The following UGT1A6 variants were observed in gnomAD, a reference collection of about 807,000 sequenced individuals.
UGT1A6 encodes the protein UDP-glucuronosyltransferase 1A6.
Under a neutral mutation model 44.4 loss-of-function variants are expected in UGT1A6, and 32 were observed. The observed-to-expected ratio is 0.72, with a 90% CI of 0.54 to 0.97. The LOEUF is 0.97. Ranked by LOEUF, UGT1A6 falls within the 50% of genes least tolerant of loss-of-function variation. UGT1A6 has a pLI of 0.00. For missense variants in UGT1A6, 685 were observed against 661.9 expected, an observed-to-expected ratio of 1.03 and a Z score of -0.38; for synonymous variants, 238 against 248.5, an observed-to-expected ratio of 0.96 and a Z score of 0.40.
intron 1 of UGT1A6, among the ~76,000 whole-genome samples, chr2:233,701,507 A>G (rs1166715177): frequency 2.0e-5 from 3 of 152,208 alleles, no homozygotes; most frequent in Non-Finnish European, 4.4e-5. Context: ...ATAGACATCT[A>G]CAGAACTCTC....
chr2:233,697,897 T>A (rs1318608341), intron 1 of UGT1A6, among the ~76,000 whole-genome samples: 2 of 152,250 alleles, frequency 1.3e-5, no homozygotes, highest in East Asian at 3.8e-4. Context: ...TTGAATCAAA[T>A]CTATTGACTC....
Position 233,693,016 on chromosome 2 carries a change from C to CCTTCG in UGT1A6, c.15_19dup (p.Ser7PhefsTer14), listed in dbSNP as rs767644326. The CCTTCG allele has an allele frequency of 1.4e-5, 23 of 1,613,998 alleles. No homozygotes were observed. The highest frequency in any genetic ancestry group is 1.8e-5 in the Non-Finnish European group (21 of 1,180,028). ...TAACTCTTTCCAGGATGGCCTGCCTCCTTCGCTCATTTCAGAGAATTTCTG... is the reference window on the plus strand; with the variant it reads ...TAACTCTTTCCAGGATGGCCTGCCTCCTTCGCTTCGCTCATTTCAGAGAATTTCTG... On this transcript the variant is annotated frameshift_variant, in exon 1 of 5. Transcript: ENST00000305139. LOFTEE classifies it high-confidence loss of function.
intron 1 of UGT1A6, among the ~76,000 whole-genome samples, chr2:233,700,907 G>T (rs985233948): frequency 6.6e-6 from 1 of 151,214 alleles, no homozygotes; most frequent in South Asian, 2.1e-4. Flanking sequence ...GGTGTGTGAC[G>T]TTCCTCTTCC....
intron 1 of UGT1A6, among the ~76,000 whole-genome samples, chr2:233,724,201 G>A: frequency 7.6e-6 from 1 of 131,764 alleles, no homozygotes; most frequent in South Asian, 2.7e-4. Flanking sequence ...TGGCTGGCCG[G>A]GCTGAGGGGC....
intron 1 of UGT1A6, among the ~76,000 whole-genome samples, chr2:233,757,380 C>T (rs980413878): frequency 1.3e-5 from 2 of 151,206 alleles, no homozygotes; most frequent in African/African-American, 4.9e-5. Context: ...CCAGATTCAG[C>T]ACTTACTTGC....
Position 233,693,132 on chromosome 2 carries a change from A to T in UGT1A6, c.128A>T (p.Lys43Met). 6.2e-7 allele frequency: 1 copy of T among 1,614,182 alleles called. No homozygotes were observed. Among genetic ancestry groups the T allele is most frequent in the Non-Finnish European group, 8.5e-7 (1 of 1,180,040 alleles). Reference protein sequence around the residue: ...PQDGSHWLSMKDIVEVLSDRG... With the variant: ...PQDGSHWLSMMDIVEVLSDRG... ...GACGGAAGCCACTGGCTTAGTATGA[A>T]GGATATAGTTGAGGTTCTCAGTGAC... Residue 43 changes from lysine to methionine, a missense_variant, in exon 1 of 5, where the codon AAG becomes ATG. Physicochemically the swap from Lys to Met is moderately conservative, Grantham distance 95 (BLOSUM62 -1). Coordinates refer to ENST00000305139, the MANE Select transcript of UGT1A6 (RefSeq NM_001072.4).
chr2:233,713,049 C>T (rs373053318), intron 1 of UGT1A6: 18 of 1,614,092 alleles, frequency 1.1e-5, no homozygotes, highest in Middle Eastern at 3.4e-4. Flanking sequence ...GCTGCTTCTC[C>T]TCAGTGTCCA....
In UGT1A6 at chr2:233,768,276, A is replaced by T. The variant is rs771550944; in HGVS notation, c.1138A>T (p.Ser380Cys). The T allele has an allele frequency of 3.1e-6, 5 of 1,614,024 alleles. No homozygotes were observed. In the African/African-American group the frequency reaches 6.7e-5, roughly 22 times the overall value. Residue 380 changes from serine (S) to cysteine (C), a missense_variant, in exon 4 of 5, where the codon AGC becomes TGC. Coordinates refer to ENST00000305139, the MANE Select transcript of UGT1A6 (RefSeq NM_001072.4). ...TGCTGGTTCCCATGGTGTTTATGAA[A>T]GCATATGCAATGGCGTTCCCATGGT... ...THAGSHGVYE[S>C]ICNGVPMVMM... is the part of the protein sequence containing the mutation.
intron 1 of UGT1A6, chr2:233,752,460 T>C (rs1356858435): frequency 1.3e-5 from 2 of 152,236 alleles, no homozygotes; most frequent in African/African-American, 4.8e-5. Flanking sequence ...TACCCACATA[T>C]AGGCCTCTAG....
At chr2:233,760,645 T>A (rs751311281) in intron 1 of UGT1A6, 1 of 1,614,248 alleles carries the variant, frequency 6.2e-7, no homozygotes, top group South Asian at 1.1e-5. Flanking sequence ...AAAAAAGGAC[T>A]CTGCTATGCT....
At position 233,693,459 on chromosome 2, in the gene UGT1A6, C is replaced by A. The variant is rs201855477; in HGVS notation, c.455C>A (p.Ala152Asp). 3 of 1,614,104 alleles carry A rather than the reference C, an allele frequency of 1.9e-6. No homozygotes were observed. Among genetic ancestry groups the A allele is most frequent in the Middle Eastern group, 1.6e-4 (1 of 6,062 alleles). ...TTTGATGCTCTTTTCACAGACCCAG[C>A]CTTACCCTGTGGGGTGATCCTGGCT... ...SKFDALFTDP[A>D]LPCGVILAEY... The change falls in exon 1 of 5, where the codon GCC becomes GAC. Residue 152 changes from alanine (A) to aspartate (D), a missense_variant. Transcript: ENST00000305139.
At chr2:233,752,118 G>A (rs1227638081) in intron 1 of UGT1A6, among the ~76,000 whole-genome samples, 1 of 152,216 alleles carries the variant, frequency 6.6e-6, no homozygotes, top group Non-Finnish European at 1.5e-5. Context: ...AGGAGAAGAA[G>A]ATGATGGACA....
chr2:233,761,375 C>T (rs1238115278), intron 1 of UGT1A6, among the ~76,000 whole-genome samples: 2 of 152,226 alleles, frequency 1.3e-5, no homozygotes, highest in Non-Finnish European at 2.9e-5. Context: ...GGACATTTTA[C>T]TCTGTGTGCT....
At position 233,758,625 on chromosome 2, in the gene UGT1A6, A is replaced by AC. The variant is rs554859025; in HGVS notation, c.862-8407dup. ...TTCAGTGTGCATGTGCATGCAAAGT[A>AC]CCTACTCTAAGGAGAAGAATGAGAG... On this transcript the variant is annotated intron_variant, in intron 1 of 4. Transcript: ENST00000305139. Among the ~76,000 whole-genome samples the AC allele has an allele frequency of 6.6e-5, 10 of 152,284 alleles. No individual in the cohort carries two copies. The South Asian group carries it at 2.1e-3, about 32-fold the overall frequency.
intron 1 of UGT1A6, among the ~76,000 whole-genome samples, chr2:233,710,769 A>T (rs1428591995): frequency 1.3e-5 from 2 of 152,168 alleles, no homozygotes; most frequent in Non-Finnish European, 2.9e-5. Context: ...TGATTAAGTC[A>T]ATTTTAGCAA....
intron 1 of UGT1A6, chr2:233,748,159 A>T: frequency 6.3e-7 from 1 of 1,599,046 alleles, no homozygotes; most frequent in Non-Finnish European, 8.5e-7. Flanking sequence ...AATTGCTTCC[A>T]TATCTACTTA....
intron 1 of UGT1A6, among the ~76,000 whole-genome samples, chr2:233,728,369 A>G (rs2008584): frequency 0.53 from 79,890 of 151,692 alleles, 22,359 homozygotes; most frequent in African/African-American, 0.73. Context: ...TGAACCCACC[A>G]TGGGTCTTTG....
At position 233,772,917 on chromosome 2, in the gene UGT1A6, G is replaced by A. The variant is rs930433907; in HGVS notation, c.*358G>A. ...TCCCACGGCTGCCCCTACTGCAAAT[G>A]GCAGTTTTAATCTTATCTTTTGGCT... On this transcript the variant is annotated 3_prime_UTR_variant, in exon 5 of 5. Coordinates refer to ENST00000305139, the MANE Select transcript of UGT1A6 (RefSeq NM_001072.4). The A allele has an allele frequency of 5.3e-6, 2 of 380,130 alleles. No individual in the cohort carries two copies. The highest frequency in any genetic ancestry group is 9.3e-6 in the Non-Finnish European group (2 of 215,476). The allele number at this position is 380,130 out of a possible 1,614,324, so 23.5% of individuals were successfully genotyped here.
intron 1 of UGT1A6, chr2:233,747,618 G>A (rs1433302665): frequency 1.3e-5 from 21 of 1,574,996 alleles, no homozygotes; most frequent in Middle Eastern, 1.7e-4. Flanking sequence ...GCATAATGAG[G>A]CCCTGATCAG....
Sources: allele counts gnomAD v4.1 joint callset (sites outside exome capture counted in the v4.1 genomes callset), GRCh38; gene constraint gnomAD v4.1.1; transcripts MANE v1.5; gene names NCBI Gene and HGNC (gene_info 2026-07-23, HGNC 2026-07-21).